The following VAX1 variants were observed in gnomAD, a reference collection of about 807,000 sequenced individuals.
The protein encoded by VAX1 is ventral anterior homeobox 1.
A neutral mutation model predicts 17.6 loss-of-function variants in VAX1; 6 were observed. The ratio of observed to expected loss-of-function variants is 0.34; its 90% CI spans 0.19 to 0.67. The LOEUF is 0.67. VAX1 is among the 30% of genes least tolerant of loss of function. The pLI is 0.69. For missense variants in VAX1, 408 were observed against 463.7 expected (o/e 0.88, Z 1.10); for synonymous variants, 256 against 227.4 (o/e 1.13, Z -1.13).
chr10:117,135,397 C>G (rs1854159300), intron 2 of VAX1, among the ~76,000 whole-genome samples: 1 of 152,188 alleles, frequency 6.6e-6, no homozygotes, highest in South Asian at 2.1e-4. Context: ...CTAACCTCCC[C>G]TCTCATTCTT....
chr10:117,133,222 A>T (rs1854114843), downstream of VAX1: 1 of 954,730 alleles, frequency 1.0e-6, no homozygotes, highest in Non-Finnish European at 1.2e-6. Context: ...GGCATTCTGT[A>T]TCCTGAATTT....
Position 117,137,100 on chromosome 10 carries a change from G to GAGTCTCCTTCCCTCCC in VAX1, c.242-442_242-441insGGGAGGGAAGGAGACT, listed in dbSNP as rs1564971978. On this transcript the variant is annotated intron_variant, in intron 1 of 2. Transcript: ENST00000369206. The surrounding 1 kb of genome is among the most constrained non-coding windows in gnomAD (Gnocchi z 7.4). ...CCCACCCTCGAGTCTCCTTCCCTCCGGAGTCCGCGCGGCGGAAGGAGGAGG... is the reference window on the plus strand; with the variant it reads ...CCCACCCTCGAGTCTCCTTCCCTCCGAGTCTCCTTCCCTCCCGAGTCCGCGCGGCGGAAGGAGGAGG... Among the ~76,000 whole-genome samples, 2 of 146,356 alleles carry GAGTCTCCTTCCCTCCC rather than the reference G, an allele frequency of 1.4e-5. No homozygotes were observed. The highest frequency in any genetic ancestry group is 1.5e-5 in the Non-Finnish European group (1 of 66,486).
Position 117,133,530 on chromosome 10 carries a change from A to T in VAX1, c.*478T>A. On this transcript the variant is annotated 3_prime_UTR_variant, in exon 3 of 3. Coordinates refer to ENST00000369206, the MANE Select transcript of VAX1 (RefSeq NM_001112704.2). ...AAGCCCTGGTTTCCCTGGCAAGAGG[A>T]AGGAACGTCCTCCTTTTTTGGTCTA... The T allele has an allele frequency of 1.0e-6, 1 of 985,632 alleles. No individual in the cohort carries two copies. Among genetic ancestry groups the T allele is most frequent in the Non-Finnish European group, 1.2e-6 (1 of 830,128 alleles). The allele number at this position is 985,632 out of a possible 1,614,324, so 61.1% of individuals were successfully genotyped here. A position where few individuals can be genotyped will look rare whatever the true frequency, so the allele number is the denominator to read the frequency against.
Position 117,133,436 on chromosome 10 carries a change from C to G in VAX1, c.*572G>C. On this transcript the variant is annotated 3_prime_UTR_variant, in exon 3 of 3. Transcript: ENST00000369206. Reference sequence around the variant, plus strand: ...AGGGGAGAAAAACCGCAGGATTTGCCCGCCAGGAAGCTGTGTTGTGTACCG... The same window carrying G: ...AGGGGAGAAAAACCGCAGGATTTGCGCGCCAGGAAGCTGTGTTGTGTACCG... 1 of 985,462 alleles carries G rather than the reference C, an allele frequency of 1.0e-6. No homozygotes were observed. Among genetic ancestry groups the G allele is most frequent in the Non-Finnish European group, 1.2e-6 (1 of 830,020 alleles). The allele number at this position is 985,462 out of a possible 1,614,324, so 61.0% of individuals were successfully genotyped here.
chr10:117,133,898 T>C lies in VAX1; in HGVS notation c.*110A>G. On this transcript the variant is annotated 3_prime_UTR_variant, in exon 3 of 3. Coordinates refer to ENST00000369206, the MANE Select transcript of VAX1 (RefSeq NM_001112704.2). ...TGGGAAAGGAGAGCTGTCAGAGGCCTGGTGGGAGCCAGGAGCCCAGCGCAG... is the reference window on the plus strand; with the variant it reads ...TGGGAAAGGAGAGCTGTCAGAGGCCCGGTGGGAGCCAGGAGCCCAGCGCAG... The C allele has an allele frequency of 7.1e-7, 1 of 1,412,462 alleles. No individual in the cohort carries two copies. Among genetic ancestry groups the C allele is most frequent in the African/African-American group, 1.5e-5 (1 of 65,538 alleles). 87.5% of individuals were successfully genotyped at this position (1,412,462 alleles called of 1,614,324 possible). A position where few individuals can be genotyped will look rare whatever the true frequency, so the allele number is the denominator to read the frequency against.
In VAX1 at chr10:117,133,714, G is replaced by A. The variant is rs1403847056; in HGVS notation, c.*294C>T. 1 of 1,142,394 alleles carries A rather than the reference G, an allele frequency of 8.8e-7. No homozygotes were observed. The highest frequency in any genetic ancestry group is 2.9e-5 in the South Asian group (1 of 34,420). 70.8% of individuals were successfully genotyped at this position (1,142,394 alleles called of 1,614,324 possible). A position where few individuals can be genotyped will look rare whatever the true frequency, so the allele number is the denominator to read the frequency against. ...GTCTTTTCCCTCCTGGGCTGGGCAC[G>A]GGGTCAGGGCATCAGGTTGACTAAC... On this transcript the variant is annotated 3_prime_UTR_variant, in exon 3 of 3. Coordinates refer to ENST00000369206, the MANE Select transcript of VAX1 (RefSeq NM_001112704.2).
Position 117,133,814 on chromosome 10 carries a change from G to T in VAX1, c.*194C>A. 1 of 1,330,084 alleles carries T rather than the reference G, an allele frequency of 7.5e-7. No individual in the cohort carries two copies. The highest frequency in any genetic ancestry group is 9.5e-7 in the Non-Finnish European group (1 of 1,049,558). 82.4% of individuals were successfully genotyped at this position (1,330,084 alleles called of 1,614,324 possible). A position where few individuals can be genotyped will look rare whatever the true frequency, so the allele number is the denominator to read the frequency against. On this transcript the variant is annotated 3_prime_UTR_variant, in exon 3 of 3. Coordinates refer to ENST00000369206, the MANE Select transcript of VAX1 (RefSeq NM_001112704.2). ...TTGGGGGTTGGGGAGGAATCTCAGA[G>T]GAAAGGTAGTAGAAAAAAAAAATAG... is the stretch of plus-strand genomic sequence containing the variant.
chr10:117,137,716 G>T lies in VAX1; in HGVS notation c.241+100C>A. On this transcript the variant is annotated intron_variant, in intron 1 of 2. Coordinates refer to ENST00000369206, the MANE Select transcript of VAX1 (RefSeq NM_001112704.2). The surrounding 1 kb of genome is among the most constrained non-coding windows in gnomAD (Gnocchi z 7.4). Reference sequence around the variant, plus strand: ...GCCAACAACTTTCTCCCAAGTCCCAGCCGGCACTCCTTCCCACCGGCCTGT... The same window carrying T: ...GCCAACAACTTTCTCCCAAGTCCCATCCGGCACTCCTTCCCACCGGCCTGT... 6.3e-7 allele frequency: 1 copy of T among 1,592,748 alleles called. No individual in the cohort carries two copies. The highest frequency in any genetic ancestry group is 1.7e-5 in the Admixed American group (1 of 57,758).
intron 2 of VAX1, among the ~76,000 whole-genome samples, chr10:117,135,751 A>C (rs1854166539): frequency 6.6e-6 from 1 of 152,242 alleles, no homozygotes; most frequent in South Asian, 2.1e-4. Flanking sequence ...GGCCAGCTCC[A>C]AGGGGCATCA....
At chr10:117,132,784 C>T (rs1051787362), downstream of VAX1, among the ~76,000 whole-genome samples, 1 of 152,162 alleles carries the variant, frequency 6.6e-6, no homozygotes, top group African/African-American at 2.4e-5. This position sits in a 1 kb window ranked among gnomAD's most constrained non-coding sequence, Gnocchi z 4.9. Context: ...TCACACAAGA[C>T]GCTATCTGGA....
downstream of VAX1, chr10:117,133,200 A>T: frequency 1.2e-6 from 1 of 864,186 alleles, no homozygotes; most frequent in Non-Finnish European, 1.4e-6. Flanking sequence ...TTAATTTTGC[A>T]TTGCCCTGTG....
In VAX1 at chr10:117,138,127, A is replaced by C; in HGVS notation, c.-71T>G. ...AAAAAAAAAGGGGGGGGGGCGGAGA[A>C]GGAAAAAAAAAAGAGGAAAAAGGGG... On this transcript the variant is annotated 5_prime_UTR_variant, in exon 1 of 3. Coordinates refer to ENST00000369206, the MANE Select transcript of VAX1 (RefSeq NM_001112704.2). 1 of 630,570 alleles carries C rather than the reference A, an allele frequency of 1.6e-6. No individual in the cohort carries two copies. The highest frequency in any genetic ancestry group is 2.4e-6 in the Non-Finnish European group (1 of 425,198). The allele number at this position is 630,570 out of a possible 1,614,324, so 39.1% of individuals were successfully genotyped here.
chr10:117,133,261 A>G, downstream of VAX1: 2 of 984,320 alleles, frequency 2.0e-6, no homozygotes, highest in African/African-American at 1.7e-5. Flanking sequence ...TCATCATTGG[A>G]AGTATTTAAA....
At chr10:117,132,889 G>A (rs978130692), downstream of VAX1, among the ~76,000 whole-genome samples, 2 of 152,162 alleles carry the variant, frequency 1.3e-5, no homozygotes, top group African/African-American at 4.8e-5. This position sits in a 1 kb window ranked among gnomAD's most constrained non-coding sequence, Gnocchi z 4.9. Flanking sequence ...CGTTTCCTGC[G>A]TGCAGGAAGG....
At chr10:117,131,883 C>G, downstream of VAX1, 1 of 319,070 alleles carries the variant, frequency 3.1e-6, no homozygotes. Flanking sequence ...TAAAACCTTG[C>G]CTATTCTGGG....
In VAX1 at chr10:117,133,815, G is replaced by A; in HGVS notation, c.*193C>T. ...TGGGGGTTGGGGAGGAATCTCAGAGGAAAGGTAGTAGAAAAAAAAAATAGC... is the reference window on the plus strand; with the variant it reads ...TGGGGGTTGGGGAGGAATCTCAGAGAAAAGGTAGTAGAAAAAAAAAATAGC... On this transcript the variant is annotated 3_prime_UTR_variant, in exon 3 of 3. Transcript: ENST00000369206. 18 of 1,330,496 alleles carry A rather than the reference G, an allele frequency of 1.4e-5. 1 individual carries two copies. The South Asian group carries it at 3.5e-4, about 26-fold the overall frequency. 82.4% of individuals were successfully genotyped at this position (1,330,496 alleles called of 1,614,324 possible).
downstream of VAX1, chr10:117,132,413 T>C: frequency 6.2e-7 from 1 of 1,612,388 alleles, no homozygotes; most frequent in South Asian, 1.1e-5. The surrounding 1 kb of genome is among the most constrained non-coding windows in gnomAD (Gnocchi z 4.9). Context: ...AGAACAAAGT[T>C]AGTAGCCTGG....
In VAX1 at chr10:117,134,398, G is replaced by T; in HGVS notation, c.615C>A (p.Leu205=). The change falls in exon 3 of 3, where the codon CTC becomes CTA. Residue 205 remains leucine, a synonymous_variant. Transcript: ENST00000369206. This position sits in a 1 kb window ranked among gnomAD's most constrained non-coding sequence, Gnocchi z 6.2. ...ALLPPCATGA[L]GSALRGPSLP... ...AGCTGGGCCCGCGCAGCGCTGAGCCGAGAGCGCCCGTGGCGCAAGGCGGCA... is the reference window on the plus strand; with the variant it reads ...AGCTGGGCCCGCGCAGCGCTGAGCCTAGAGCGCCCGTGGCGCAAGGCGGCA... 6.8e-7 allele frequency: 1 copy of T among 1,468,502 alleles called. No individual in the cohort carries two copies. Among genetic ancestry groups the T allele is most frequent in the Non-Finnish European group, 9.0e-7 (1 of 1,117,208 alleles). 91.0% of individuals were successfully genotyped at this position (1,468,502 alleles called of 1,614,324 possible).
At chr10:117,132,078 AGAAATCGAGAGC>A, downstream of VAX1, 1 of 898,908 alleles carries the variant, frequency 1.1e-6, no homozygotes. This position sits in a 1 kb window ranked among gnomAD's most constrained non-coding sequence, Gnocchi z 4.9. Context: ...GGACAGATAG[AGAAATCGAGAGC>A]GAAACACTCA....
Sources: gnomAD v4.1 joint callset for allele counts (sites outside exome capture counted in the v4.1 genomes callset) on GRCh38, gnomAD v4.1.1 for gene constraint, Gnocchi (gnomAD v3.1) non-coding constraint, MANE v1.5 for transcripts, NCBI Gene and HGNC (gene_info 2026-07-23, HGNC 2026-07-21) for gene names.